The following LOC400499 variants were observed in gnomAD, a reference collection of about 807,000 sequenced individuals.
At chr16:11,441,265 T>C in the LOC400499 span, among the ~76,000 whole-genome samples, 1 of 152,206 alleles carries the variant, frequency 6.6e-6, no homozygotes, top group South Asian at 2.1e-4. Flanking sequence ...TAAACTTCAG[T>C]GCCTACAGGT....
At chr16:11,388,401 G>T in the LOC400499 span, among the ~76,000 whole-genome samples, 1 of 152,176 alleles carries the variant, frequency 6.6e-6, no homozygotes, top group Non-Finnish European at 1.5e-5. Flanking sequence ...CCTATTTTAT[G>T]GCTGGGGAAA....
the LOC400499 span, chr16:11,501,943 C>T: frequency 1.8e-5 from 7 of 394,526 alleles, no homozygotes; most frequent in Admixed American, 8.8e-5. Flanking sequence ...AAGGACAAGT[C>T]AGTGTCAAGG....
chr16:11,395,643 G>C, the LOC400499 span, among the ~76,000 whole-genome samples: 1 of 152,238 alleles, frequency 6.6e-6, no homozygotes, highest in African/African-American at 2.4e-5. Context: ...GCTACATGCA[G>C]ATGTTGTACA....
chr16:11,469,352 T>A, the LOC400499 span: 1 of 399,132 alleles, frequency 2.5e-6, no homozygotes, highest in African/African-American at 2.1e-5. Context: ...CTTTAATCTC[T>A]GAGCCTAAGA....
At chr16:11,452,641 T>C in the LOC400499 span, among the ~76,000 whole-genome samples, 2 of 152,226 alleles carry the variant, frequency 1.3e-5, no homozygotes, top group African/African-American at 4.8e-5. Context: ...GTCCTTCCAT[T>C]TGTATCCCAA....
At chr16:11,409,154 A>G in the LOC400499 span, among the ~76,000 whole-genome samples, 1 of 151,988 alleles carries the variant, frequency 6.6e-6, no homozygotes, top group African/African-American at 2.4e-5. Flanking sequence ...CCAGCTACTC[A>G]GGAGGCTGAG....
the LOC400499 span, among the ~76,000 whole-genome samples, chr16:11,509,804 C>T: frequency 7.9e-5 from 12 of 152,194 alleles, 1 homozygote; most frequent in East Asian, 2.3e-3. Flanking sequence ...GCACCCCAGC[C>T]TGGGTGACAA....
At chr16:11,521,704 C>A in the LOC400499 span, among the ~76,000 whole-genome samples, 1 of 152,196 alleles carries the variant, frequency 6.6e-6, no homozygotes, top group Non-Finnish European at 1.5e-5. Context: ...ACTCCCCCAA[C>A]CTGCCCTAAA....
chr16:11,512,686 C>T, the LOC400499 span, among the ~76,000 whole-genome samples: 1 of 152,130 alleles, frequency 6.6e-6, no homozygotes, highest in Non-Finnish European at 1.5e-5. Flanking sequence ...CTGAAGTGTA[C>T]ACTTTAAATG....
the LOC400499 span, among the ~76,000 whole-genome samples, chr16:11,378,901 T>C: frequency 7.2e-5 from 11 of 152,230 alleles, no homozygotes; most frequent in African/African-American, 2.7e-4. Flanking sequence ...GTCCAACTGG[T>C]CTATAGTATT....
At chr16:11,433,161 C>G in the LOC400499 span, among the ~76,000 whole-genome samples, 1 of 152,174 alleles carries the variant, frequency 6.6e-6, no homozygotes, top group African/African-American at 2.4e-5. Context: ...CCATATGGCC[C>G]ACAAAGCTGA....
the LOC400499 span, chr16:11,401,156 C>G: frequency 7.5e-6 from 3 of 398,220 alleles, no homozygotes; most frequent in Non-Finnish European, 8.9e-6. Context: ...GTCTTTGTCA[C>G]TGATGAACAC....
the LOC400499 span, chr16:11,391,724 C>T: frequency 8.1e-7 from 1 of 1,232,286 alleles, no homozygotes. Context: ...GGTAAAGAGG[C>T]AGGTGCTGGG....
the LOC400499 span, chr16:11,446,484 A>G: frequency 7.1e-7 from 1 of 1,407,260 alleles, no homozygotes; most frequent in African/African-American, 1.4e-5. Context: ...AATCCTATTG[A>G]GCGATGACAG....
chr16:11,452,571 T>A, the LOC400499 span, among the ~76,000 whole-genome samples: 1 of 152,222 alleles, frequency 6.6e-6, no homozygotes, highest in African/African-American at 2.4e-5. Context: ...AGGCCTGGGT[T>A]TGGAACTCCG....
At chr16:11,465,710 C>G in the LOC400499 span, among the ~76,000 whole-genome samples, 1 of 151,184 alleles carries the variant, frequency 6.6e-6, no homozygotes, top group Non-Finnish European at 1.5e-5. Context: ...GGGTTTGAGG[C>G]TGCAGTGATC....
the LOC400499 span, among the ~76,000 whole-genome samples, chr16:11,373,994 T>C: frequency 2.0e-5 from 3 of 152,188 alleles, no homozygotes; most frequent in Non-Finnish European, 4.4e-5. Flanking sequence ...TTTTCTGCCA[T>C]CTCTTTCTAC....
the LOC400499 span, among the ~76,000 whole-genome samples, chr16:11,517,646 C>T: frequency 1.4e-4 from 21 of 152,268 alleles, no homozygotes; most frequent in Admixed American, 1.1e-3. Flanking sequence ...GGTCCCGAGA[C>T]GGGGGCCTTC....
chr16:11,373,311 C>G, the LOC400499 span, among the ~76,000 whole-genome samples: 1 of 152,196 alleles, frequency 6.6e-6, no homozygotes, highest in East Asian at 1.9e-4. Flanking sequence ...AAGTGCCCTT[C>G]TATCCCTCAT....
Sources: gnomAD v4.1 joint callset for allele counts (sites outside exome capture counted in the v4.1 genomes callset) on GRCh38, gnomAD v4.1.1 for gene constraint, MANE v1.5 for transcripts.